Variants in GATA4 observed in about 807,000 individuals in gnomAD.
GATA4 encodes the protein GATA binding protein 4.
Under a neutral mutation model 37.9 loss-of-function variants are expected in GATA4, and 7 were observed. The ratio of observed to expected loss-of-function variants is 0.18; its 90% CI spans 0.11 to 0.35. The LOEUF (loss-of-function observed/expected upper bound fraction) is 0.35. Among genes scored for constraint, GATA4 ranks in the 10% least tolerant of loss-of-function variants. The probability of loss-of-function intolerance (pLI) is 1.00; values close to 1 mark genes in which losing one functional copy is unlikely to be tolerated. For missense variants in GATA4, 647 were observed against 653.0 expected (o/e 0.99, Z 0.10); for synonymous variants, 372 against 292.6 (o/e 1.27, Z -2.77).
At chr8:11,702,111 G>A (rs1799696023), upstream of GATA4, among the ~76,000 whole-genome samples, 1 of 152,168 alleles carries the variant, frequency 6.6e-6, no homozygotes, top group Non-Finnish European at 1.5e-5. The surrounding 1 kb of genome is among the most constrained non-coding windows in gnomAD (Gnocchi z 4.4). Flanking sequence ...TCGCCGCAAG[G>A]CACCGCACCT....
chr8:11,731,582 G>C (rs911057672), intron 2 of GATA4, among the ~76,000 whole-genome samples: 1 of 152,224 alleles, frequency 6.6e-6, no homozygotes, highest in South Asian at 2.1e-4. Context: ...GGCCAGGATC[G>C]GGGTGCGGGA....
chr8:11,705,113 G>T (rs531429768), intron 1 of GATA4, among the ~76,000 whole-genome samples: 4 of 152,372 alleles, frequency 2.6e-5, no homozygotes, highest in Admixed American at 2.0e-4. Flanking sequence ...GAAAGGAGGG[G>T]CCTTTTGGCT....
intron 2 of GATA4, among the ~76,000 whole-genome samples, chr8:11,727,650 C>G (rs1034613022): frequency 1.3e-5 from 2 of 151,976 alleles, no homozygotes; most frequent in Non-Finnish European, 2.9e-5. Context: ...CGAGACCAGA[C>G]TGGGCAACAT....
At chr8:11,704,537 T>G (rs1799804663) in intron 1 of GATA4, among the ~76,000 whole-genome samples, 1 of 152,216 alleles carries the variant, frequency 6.6e-6, no homozygotes, top group South Asian at 2.1e-4. Context: ...GGAAGCGCCT[T>G]TGGATTCTTT....
Position 11,755,454 on chromosome 8 carries a change from G to A in GATA4, c.1000+321G>A, listed in dbSNP as rs12677897. ...TTTACTCGGTCCTTTCATCTTTGGC[G>A]CTGCAGCCACCCAAAAGCTCAGTTC... On this transcript the variant is annotated intron_variant, in intron 5 of 6. Coordinates refer to ENST00000532059, the MANE Select transcript of GATA4 (RefSeq NM_001308093.3). 0.27 allele frequency among the ~76,000 whole-genome samples: 40,868 copies of A among 152,154 alleles called. 6,670 individuals carry two copies. The highest frequency in any genetic ancestry group is 0.36 in the Admixed American group (5,511 of 15,288).
chr8:11,722,275 C>T (rs879389937), intron 2 of GATA4, among the ~76,000 whole-genome samples: 1 of 152,210 alleles, frequency 6.6e-6, no homozygotes, highest in African/African-American at 2.4e-5. Context: ...CACTTTCCCC[C>T]ACACAGTGTT....
In GATA4 at chr8:11,708,920, C is replaced by T. The variant is rs1049056938; in HGVS notation, c.608C>T (p.Pro203Leu). The T allele has an allele frequency of 1.3e-6, 2 of 1,527,292 alleles. No homozygotes were observed. The highest frequency in any genetic ancestry group is 1.2e-5 in the South Asian group (1 of 83,584). The allele number at this position is 1,527,292 out of a possible 1,614,324, so 94.6% of individuals were successfully genotyped here. Residue 203 changes from proline (P) to leucine (L), a missense_variant, in exon 2 of 7, where the codon CCC (proline) becomes CTC (leucine). By Grantham distance (98) the Pro-to-Leu change is moderately conservative. This residue lies in a region of GATA4 where 379 missense variants were observed against 334.5 expected (regional missense o/e 1.13). Coordinates refer to ENST00000532059, the MANE Select transcript of GATA4 (RefSeq NM_001308093.3). This position sits in a 1 kb window ranked among gnomAD's most constrained non-coding sequence, Gnocchi z 6.7. ...PGRANPAARH[P>L]NLVDMFDDFS... ...CGGGCCAACCCGGCCGCCCGACACC[C>T]CAATCTCGGTGAGTAGGAGCGCGAG... is the stretch of plus-strand genomic sequence containing the variant.
chr8:11,685,470 C>T (rs1799106559), intron 1 of GATA4, among the ~76,000 whole-genome samples: 1 of 152,196 alleles, frequency 6.6e-6, no homozygotes, highest in Non-Finnish European at 1.5e-5. Flanking sequence ...TGTCAGCCTT[C>T]TTCAGGCTTC....
At chr8:11,693,176 A>G (rs1799379037) in intron 1 of GATA4, 1 of 790,526 alleles carries the variant, frequency 1.3e-6, no homozygotes, top group Non-Finnish European at 1.5e-6. Flanking sequence ...CTTAGAAATG[A>G]TTCGGCAAGC....
Position 11,707,825 on chromosome 8 carries a change from AC to A in GATA4, c.-457-28del, listed in dbSNP as rs1256464767. On this transcript the variant is annotated intron_variant, in intron 1 of 6. Transcript: ENST00000532059. The surrounding 1 kb of genome is among the most constrained non-coding windows in gnomAD (Gnocchi z 4.7). ...GGTTCTGAAAGCTCTGGGATGAACCACCCTCTCTCTTTCTGTCGTTCCTCTT... is the reference window on the plus strand; with the variant it reads ...GGTTCTGAAAGCTCTGGGATGAACCACCTCTCTCTTTCTGTCGTTCCTCTT... 5 of 214,214 alleles carry A rather than the reference AC, an allele frequency of 2.3e-5. No individual in the cohort carries two copies. The highest frequency in any genetic ancestry group is 4.7e-5 in the Non-Finnish European group (5 of 106,370). The allele number at this position is 214,214 out of a possible 1,614,324, so 13.3% of individuals were successfully genotyped here.
intron 1 of GATA4, among the ~76,000 whole-genome samples, chr8:11,683,384 A>G (rs149664550): frequency 0.016 from 2,474 of 152,262 alleles, 59 homozygotes; most frequent in African/African-American, 0.056. Flanking sequence ...AATTCTACCC[A>G]TTGTGACTGT....
chr8:11,698,817 T>C (rs1799583509), intron 1 of GATA4, among the ~76,000 whole-genome samples: 1 of 152,078 alleles, frequency 6.6e-6, no homozygotes, highest in Admixed American at 6.5e-5. Flanking sequence ...CGGGGTGTCC[T>C]TAGGAGCAGC....
At chr8:11,728,086 G>A (rs1801023990) in intron 2 of GATA4, among the ~76,000 whole-genome samples, 1 of 152,116 alleles carries the variant, frequency 6.6e-6, no homozygotes, top group African/African-American at 2.4e-5. Flanking sequence ...TACCTCCCAG[G>A]TTCAAGCGAT....
At chr8:11,706,536 T>C (rs1799897171) in intron 1 of GATA4, among the ~76,000 whole-genome samples, 1 of 152,224 alleles carries the variant, frequency 6.6e-6, no homozygotes, top group African/African-American at 2.4e-5. Context: ...ATATCTGCAT[T>C]TTGCAGATGA....
intron 1 of GATA4, among the ~76,000 whole-genome samples, chr8:11,699,067 C>A (rs548823411): frequency 6.6e-6 from 1 of 152,190 alleles, no homozygotes; most frequent in Non-Finnish European, 1.5e-5. Context: ...TAATCATTCA[C>A]CCAACACTTA....
chr8:11,720,216 G>T (rs1456507120), intron 2 of GATA4, among the ~76,000 whole-genome samples: 1 of 151,786 alleles, frequency 6.6e-6, no homozygotes, highest in Non-Finnish European at 1.5e-5. Context: ...CTGCTCTACC[G>T]CCCTTTGGAG....
Position 11,683,301 on chromosome 8 carries a change from G to C in GATA4, c.-274+6238G>C, listed in dbSNP as rs549278770. ...AGAGCTGCCCCACAGGTGGCAGGGG[G>C]ATTAATCAGAGAGTTTTGTGCTAAA... On this transcript the variant is annotated intron_variant, in intron 1 of 6. Coordinates refer to the GATA4 transcript ENST00000528712. Among the ~76,000 whole-genome samples the C allele has an allele frequency of 2.0e-5, 3 of 152,334 alleles. No individual in the cohort carries two copies. The East Asian group carries it at 5.8e-4, about 29-fold the overall frequency.
chr8:11,699,555 GGA>G (rs1799603876), upstream of GATA4, among the ~76,000 whole-genome samples: 1 of 152,248 alleles, frequency 6.6e-6, no homozygotes, highest in African/African-American at 2.4e-5. Flanking sequence ...GGATGGGGAG[GGA>G]GAGAGGGAGC....
intron 2 of GATA4, among the ~76,000 whole-genome samples, chr8:11,730,652 A>G (rs1323270656): frequency 6.6e-6 from 1 of 152,174 alleles, no homozygotes; most frequent in Non-Finnish European, 1.5e-5. Context: ...GCTGTGGGAA[A>G]AGGGATGATA....
Sources: gnomAD v4.1 joint callset for allele counts (sites outside exome capture counted in the v4.1 genomes callset) on GRCh38, gnomAD v4.1.1 for gene constraint, gnomAD v4.1.1 regional missense constraint, Gnocchi (gnomAD v3.1) non-coding constraint, MANE v1.5 for transcripts, NCBI Gene and HGNC (gene_info 2026-07-23, HGNC 2026-07-21) for gene names.